Variants in ZNF503 observed in about 807,000 individuals in gnomAD.
ZNF503 encodes zinc finger protein 503.
A neutral mutation model predicts 34.4 loss-of-function variants in ZNF503; 15 were observed. The ratio of observed to expected loss-of-function variants is 0.44; its 90% CI spans 0.29 to 0.67. The LOEUF is 0.67. Ranked by LOEUF, ZNF503 falls within the 30% of genes least tolerant of loss-of-function variation. The pLI, the probability that ZNF503 is intolerant of heterozygous loss-of-function variation, is 0.13. For synonymous variants in ZNF503, 580 were observed against 456.8 expected, an observed-to-expected ratio of 1.27 and a Z score of -3.44; for missense variants, 1,007 against 926.8, an observed-to-expected ratio of 1.09 and a Z score of -1.12.
chr10:75,399,798 G>A lies in ZNF503; in HGVS notation c.892C>T (p.Pro298Ser), dbSNP rs763987409. The A allele has an allele frequency of 5.6e-6, 9 of 1,599,966 alleles. No homozygotes were observed. The highest frequency in any genetic ancestry group is 1.3e-5 in the African/African-American group (1 of 74,810). ...GCCTTGCCTCCCGGGCCCCCATCCG[G>A]ATGCTGGTTCACATCCACATTAATC... ...GGINVDVNQHPDGGPGGKALG... is the reference protein window; with the variant it reads ...GGINVDVNQHSDGGPGGKALG... Residue 298 changes from proline (P) to serine (S), a missense_variant, in exon 2 of 2, where the codon CCG becomes TCG. Physicochemically the swap from Pro to Ser is moderately conservative, Grantham distance 74. Transcript: ENST00000372524.
chr10:75,395,426 CG>C (rs1843685562), downstream of ZNF503, among the ~76,000 whole-genome samples: 2 of 152,176 alleles, frequency 1.3e-5, no homozygotes. This position sits in a 1 kb window ranked among gnomAD's most constrained non-coding sequence, Gnocchi z 4.4. Context: ...CCCATCCAGC[CG>C]GCTGCCCGCG....
chr10:75,362,851 C>T, the ZNF503 span, among the ~76,000 whole-genome samples: 3 of 152,106 alleles, frequency 2.0e-5, no homozygotes, highest in African/African-American at 7.2e-5. Flanking sequence ...AATCGAGGCT[C>T]CCCGTTCCTT....
chr10:75,307,077 G>A, the ZNF503 span, among the ~76,000 whole-genome samples: 34,613 of 152,074 alleles, frequency 0.23, 4,464 homozygotes, highest in African/African-American at 0.35. Context: ...AGAAAGAGCC[G>A]CACACTTCTC....
the ZNF503 span, among the ~76,000 whole-genome samples, chr10:75,379,093 G>A: frequency 6.6e-6 from 1 of 152,180 alleles, no homozygotes; most frequent in Admixed American, 6.5e-5. Flanking sequence ...ATAAAGTCTG[G>A]GAATGTAGGA....
chr10:75,397,047 G>A (rs1302832342), downstream of ZNF503, among the ~76,000 whole-genome samples: 3 of 152,182 alleles, frequency 2.0e-5, no homozygotes, highest in Non-Finnish European at 4.4e-5. Flanking sequence ...GCGCCGGGAC[G>A]CTCGCGGGGC....
chr10:75,387,168 G>A, the ZNF503 span, among the ~76,000 whole-genome samples: 9 of 152,212 alleles, frequency 5.9e-5, no homozygotes, highest in African/African-American at 1.4e-4. Context: ...GGGCTTCCCC[G>A]GAGAATCCCG....
At chr10:75,287,301 T>C in the ZNF503 span, among the ~76,000 whole-genome samples, 3 of 151,856 alleles carry the variant, frequency 2.0e-5, no homozygotes, top group Admixed American at 6.6e-5. Context: ...CTATCACGTC[T>C]CTCCCCACTA....
Position 75,398,998 on chromosome 10 carries a change from A to C in ZNF503, c.1692T>G (p.Ala564=). 6.2e-7 allele frequency: 1 copy of C among 1,607,120 alleles called. No homozygotes were observed. The highest frequency in any genetic ancestry group is 1.1e-5 in the South Asian group (1 of 91,012). Residue 564 remains alanine, a synonymous_variant, in exon 2 of 2, where the codon GCT becomes GCG. Coordinates refer to ENST00000372524, the MANE Select transcript of ZNF503 (RefSeq NM_032772.6). ...TGTGGCAAGCCATGGCGGCCGCGGC[A>C]GCGCTGGCCAGAGACGACGAGCTGG... ...GYPSSSSLAS[A]AAAAMACHMH...
the ZNF503 span, among the ~76,000 whole-genome samples, chr10:75,307,586 C>T: frequency 1.3e-5 from 2 of 152,222 alleles, no homozygotes; most frequent in African/African-American, 4.8e-5. Flanking sequence ...CACTAAACAA[C>T]AGATTTTCAA....
the ZNF503 span, among the ~76,000 whole-genome samples, chr10:75,384,699 A>G: frequency 1.3e-5 from 2 of 151,958 alleles, no homozygotes; most frequent in Admixed American, 6.6e-5. Flanking sequence ...CACCTCCCCA[A>G]AGCCCCCACC....
At chr10:75,331,502 G>A in the ZNF503 span, among the ~76,000 whole-genome samples, 2 of 152,178 alleles carry the variant, frequency 1.3e-5, no homozygotes, top group African/African-American at 2.4e-5. Flanking sequence ...AAGTGGGAAT[G>A]CAGTACCATG....
chr10:75,382,791 A>T, the ZNF503 span: 1 of 316,850 alleles, frequency 3.2e-6, no homozygotes. Context: ...CTTTAAGAAG[A>T]CTCCCAAATC....
At chr10:75,380,278 T>A in the ZNF503 span, among the ~76,000 whole-genome samples, 1 of 152,130 alleles carries the variant, frequency 6.6e-6, no homozygotes, top group Non-Finnish European at 1.5e-5. Context: ...CAGGTCCCGT[T>A]CTCCCCAGTT....
the ZNF503 span, among the ~76,000 whole-genome samples, chr10:75,327,382 C>T: frequency 6.6e-6 from 1 of 152,198 alleles, no homozygotes; most frequent in African/African-American, 2.4e-5. Flanking sequence ...GCTTATTTCA[C>T]TTAACATAAT....
rs546360356 is a variant in ZNF503 at position 75,399,688 on chromosome 10, A to G, written c.1002T>C (p.Ser334=). ...SAPTSSSVLG[S]GLVAPVSPYK... ...AGGGTGACACGGGAGCCACCAGCCCAGAGCCCAACACTGAGGAGGAGGTGG... is the reference window on the plus strand; with the variant it reads ...AGGGTGACACGGGAGCCACCAGCCCGGAGCCCAACACTGAGGAGGAGGTGG... The change falls in exon 2 of 2, where the codon TCT becomes TCC. Residue 334 remains serine, a synonymous_variant. Coordinates refer to ENST00000372524, the MANE Select transcript of ZNF503 (RefSeq NM_032772.6). 6.2e-7 allele frequency: 1 copy of G among 1,600,372 alleles called. No homozygotes were observed. Among genetic ancestry groups the G allele is most frequent in the Admixed American group, 1.7e-5 (1 of 59,904 alleles).
the ZNF503 span, among the ~76,000 whole-genome samples, chr10:75,308,996 C>T: frequency 6.6e-6 from 1 of 152,042 alleles, no homozygotes. Flanking sequence ...TGCATGCCAC[C>T]ACACCTGGCT....
chr10:75,349,965 G>A, the ZNF503 span, among the ~76,000 whole-genome samples: 29 of 152,346 alleles, frequency 1.9e-4, no homozygotes, highest in East Asian at 5.0e-3. Context: ...CAGTTGGTGG[G>A]CCCTGAGGAT....
the ZNF503 span, among the ~76,000 whole-genome samples, chr10:75,282,916 G>T: frequency 1.3e-5 from 2 of 152,222 alleles, no homozygotes; most frequent in Non-Finnish European, 2.9e-5. Flanking sequence ...CCCTCTCTGG[G>T]AGTCACACAG....
downstream of ZNF503, among the ~76,000 whole-genome samples, chr10:75,393,612 A>C (rs192795188): frequency 6.7e-3 from 1,024 of 152,346 alleles, 3 homozygotes; most frequent in Admixed American, 0.013. Context: ...TAATCCCAGC[A>C]CTTTAAGAGG....
Sources: gnomAD v4.1 joint callset for allele counts (sites outside exome capture counted in the v4.1 genomes callset) on GRCh38, gnomAD v4.1.1 for gene constraint, Gnocchi (gnomAD v3.1) non-coding constraint, MANE v1.5 for transcripts, NCBI Gene and HGNC (gene_info 2026-07-23, HGNC 2026-07-21) for gene names.